The following U2SURP variants were observed in gnomAD, a reference collection of about 807,000 sequenced individuals.
U2SURP encodes the protein U2 snRNP-associated SURP motif-containing protein.
U2SURP carries 9 observed loss-of-function variants against 144.9 expected under a neutral mutation model. That is an observed-to-expected ratio of 0.06 (90% confidence interval 0.04 to 0.11). U2SURP has a LOEUF of 0.11. U2SURP is among the 10% of genes least tolerant of loss of function. The pLI, the probability that U2SURP is intolerant of heterozygous loss-of-function variation, is 1.00. For synonymous variants in U2SURP, 408 were observed against 396.8 expected, an observed-to-expected ratio of 1.03 and a Z score of -0.33; for missense variants, 724 against 1,226.7, an observed-to-expected ratio of 0.59 and a Z score of 6.12.
Position 143,058,356 on chromosome 3 carries a change from A to C in U2SURP, c.*1906A>C, listed in dbSNP as rs1935244535. ...AGACATCCTGCGGGATTGAGTAGAA[A>C]ATTTTAGGTCAGTTTTGGGTGCTTA... On this transcript the variant is annotated 3_prime_UTR_variant, in exon 28 of 28. Transcript: ENST00000473835. 2 of 151,750 alleles carry C rather than the reference A, an allele frequency of 1.3e-5. No individual in the cohort carries two copies. Among genetic ancestry groups the C allele is most frequent in the African/African-American group, 4.8e-5 (2 of 41,368 alleles). 9.4% of individuals were successfully genotyped at this position (151,750 alleles called of 1,614,324 possible). A position where few individuals can be genotyped will look rare whatever the true frequency, so the allele number is the denominator to read the frequency against.
At position 143,036,024 on chromosome 3, in the gene U2SURP, A is replaced by G. The variant is rs1425905440; in HGVS notation, c.1984A>G (p.Ile662Val). ...CTTCAGAGCATGGGAAGATTGGGCA[A>G]TTTATCCAGAACCATTTTTGATCAA... ...TCFRAWEDWA[I>V]YPEPFLIKLQ... Residue 662 changes from isoleucine (I) to valine (V), a missense_variant, in exon 20 of 28, where the codon ATT becomes GTT. Transcript: ENST00000473835. 9 of 1,610,114 alleles carry G rather than the reference A, an allele frequency of 5.6e-6. No individual in the cohort carries two copies. The highest frequency in any genetic ancestry group is 1.3e-5 in the African/African-American group (1 of 74,778).
chr3:143,028,714 C>T, intron 16 of U2SURP, 68 bp downstream of exon 16: 1 of 1,358,192 alleles, frequency 7.4e-7, no homozygotes, highest in South Asian at 1.4e-5. Context: ...AATTAATGGT[C>T]TTATTAAGAT....
rs768736941 is a variant in U2SURP at position 143,035,004 on chromosome 3, C to G, written c.1941+29C>G. The G allele has an allele frequency of 1.0e-5, 11 of 1,077,520 alleles. No homozygotes were observed. In the East Asian group the frequency reaches 2.7e-4, roughly 26 times the overall value. 66.7% of individuals were successfully genotyped at this position (1,077,520 alleles called of 1,614,324 possible). On this transcript the variant is annotated intron_variant, in intron 19 of 27. Transcript: ENST00000473835. Reference sequence around the variant, plus strand: ...CGTTTATTGTTTTACTATTTTTGCCCTAGTGTTTTAAATGGGTGGGGGGAG... The same window carrying G: ...CGTTTATTGTTTTACTATTTTTGCCGTAGTGTTTTAAATGGGTGGGGGGAG...
chr3:143,054,965 C>T lies in U2SURP; in HGVS notation c.2797C>T (p.Pro933Ser), dbSNP rs1391024897. 2.5e-6 allele frequency: 4 copies of T among 1,608,734 alleles called. No homozygotes were observed. The highest frequency in any genetic ancestry group is 3.4e-6 in the Non-Finnish European group (4 of 1,177,916). ...TAGGAAGAGGCGACACAGTACATCC[C>T]CCAGCCCATCTCGCAGTAGCAGTGG... is the stretch of plus-strand genomic sequence containing the variant. ...KERKRRHSTSPSPSRSSSGRR... is the reference protein window; with the variant it reads ...KERKRRHSTSSSPSRSSSGRR... Residue 933 changes from proline (P) to serine (S), a missense_variant, in exon 27 of 28, where the codon CCC becomes TCC. Transcript: ENST00000473835.
chr3:143,053,865 A>G (rs1225259514), intron 26 of U2SURP, 71 bp downstream of exon 26: 7 of 1,240,972 alleles, frequency 5.6e-6, no homozygotes, highest in Non-Finnish European at 7.6e-6. Flanking sequence ...TAATACTTTC[A>G]TCATTGATGC....
At chr3:143,031,288 T>C (rs1933467100) in intron 16 of U2SURP, among the ~76,000 whole-genome samples, 1 of 152,194 alleles carries the variant, frequency 6.6e-6, no homozygotes, top group Admixed American at 6.5e-5. Flanking sequence ...GGCAAGACAT[T>C]CTCCTCTGGG....
In U2SURP at chr3:143,016,384, A is replaced by G; in HGVS notation, c.436+13A>G. The G allele has an allele frequency of 6.2e-7, 1 of 1,603,712 alleles. No homozygotes were observed. The highest frequency in any genetic ancestry group is 1.1e-5 in the South Asian group (1 of 90,712). Reference sequence around the variant, plus strand: ...AATGCAGCTAAAGGTAAGTTTATAAAGTATAACTGCTAATAAAGCATAACT... The same window carrying G: ...AATGCAGCTAAAGGTAAGTTTATAAGGTATAACTGCTAATAAAGCATAACT... On this transcript the variant is annotated intron_variant, in intron 5 of 27. Transcript: ENST00000473835.
At position 143,057,067 on chromosome 3, in the gene U2SURP, CT is replaced by C. The variant is rs1187927264; in HGVS notation, c.*618del. On this transcript the variant is annotated 3_prime_UTR_variant, in exon 28 of 28. Coordinates refer to ENST00000473835, the MANE Select transcript of U2SURP (RefSeq NM_001080415.2). ...TTTGATAAGTTTCTCTTGGGTAATACTAATACCCAGATATCAAAGACTAGGT... is the reference window on the plus strand; with the variant it reads ...TTTGATAAGTTTCTCTTGGGTAATACAATACCCAGATATCAAAGACTAGGT... 3 of 152,418 alleles carry C rather than the reference CT, an allele frequency of 2.0e-5. No individual in the cohort carries two copies. In the East Asian group the frequency reaches 5.8e-4, roughly 29 times the overall value. 9.4% of individuals were successfully genotyped at this position (152,418 alleles called of 1,614,324 possible). A position where few individuals can be genotyped will look rare whatever the true frequency, so the allele number is the denominator to read the frequency against.
At chr3:143,028,812 A>G (rs1292826730) in intron 16 of U2SURP, among the ~76,000 whole-genome samples, 166 bp downstream of exon 16, 2 of 152,196 alleles carry the variant, frequency 1.3e-5, no homozygotes, top group African/African-American at 2.4e-5. Context: ...AAACATCCTA[A>G]CAAGTATAGG....
intron 14 of U2SURP, 52 bp from the exon 15 acceptor site, chr3:143,028,288 G>A: frequency 6.6e-7 from 1 of 1,514,694 alleles, no homozygotes; most frequent in Non-Finnish European, 9.0e-7. Flanking sequence ...TTTAATTGAA[G>A]ATAGCTCTTT....
At chr3:143,033,024 GCA>G in intron 17 of U2SURP, 78 bp downstream of exon 17, 1 of 1,470,862 alleles carries the variant, frequency 6.8e-7, no homozygotes, top group African/African-American at 1.4e-5. Flanking sequence ...TTTGCACAAA[GCA>G]CTTGACTGAT....
At chr3:143,031,502 C>A (rs1299175428) in intron 16 of U2SURP, among the ~76,000 whole-genome samples, 1 of 97,288 alleles carries the variant, frequency 1.0e-5, no homozygotes, top group Non-Finnish European at 2.1e-5. Flanking sequence ...TGAGGCAAAA[C>A]CTTCCACCAG....
In U2SURP at chr3:143,019,921, T is replaced by C. The variant is rs1039625168; in HGVS notation, c.571-48T>C. The C allele has an allele frequency of 9.2e-6, 10 of 1,084,164 alleles. No individual in the cohort carries two copies. In the African/African-American group the frequency reaches 9.8e-5, roughly 11 times the overall value. The allele number at this position is 1,084,164 out of a possible 1,614,324, so 67.2% of individuals were successfully genotyped here. On this transcript the variant is annotated intron_variant, in intron 6 of 27. Transcript: ENST00000473835. ...AAGGCTCTTATTATTGAATCATTGG[T>C]TTTGCTTATCCTTTTGTTTGAAGTA... is the stretch of plus-strand genomic sequence containing the variant.
intron 3 of U2SURP, 151 bp downstream of exon 3, chr3:143,012,504 A>T: frequency 1.5e-6 from 1 of 663,778 alleles, no homozygotes; most frequent in Non-Finnish European, 2.2e-6. Context: ...TTGGGATAAC[A>T]GTAAACTCAT....
At chr3:143,023,235 A>G in intron 12 of U2SURP, 171 bp downstream of exon 12, 1 of 548,038 alleles carries the variant, frequency 1.8e-6, no homozygotes, top group Non-Finnish European at 3.1e-6. Flanking sequence ...CTATATTTGA[A>G]ATACTAGGTC....
chr3:143,037,969 C>A (rs1933901763), intron 21 of U2SURP, 139 bp from the exon 22 acceptor site: 1 of 520,746 alleles, frequency 1.9e-6, no homozygotes, highest in Non-Finnish European at 3.3e-6. Flanking sequence ...TAGTCATAGT[C>A]CTTGTTCTTA....
At chr3:143,048,095 C>T (rs1284781759) in intron 24 of U2SURP, among the ~76,000 whole-genome samples, 1 of 152,212 alleles carries the variant, frequency 6.6e-6, no homozygotes, top group Non-Finnish European at 1.5e-5. Context: ...CTGTCCTGGT[C>T]CCTGAGGAAA....
chr3:143,043,715 ATG>A (rs913806008), intron 24 of U2SURP, among the ~76,000 whole-genome samples: 912 of 71,494 alleles, frequency 0.013, 7 homozygotes, highest in African/African-American at 0.077. Context: ...TATAGATTAT[ATG>A]TATATATATA....
chr3:143,043,717 G>A (rs529930888), intron 24 of U2SURP, among the ~76,000 whole-genome samples: 21 of 147,372 alleles, frequency 1.4e-4, no homozygotes, highest in African/African-American at 4.5e-4. Context: ...TAGATTATAT[G>A]TATATATATA....
Sources: allele counts gnomAD v4.1 joint callset (sites outside exome capture counted in the v4.1 genomes callset), GRCh38; gene constraint gnomAD v4.1.1; transcripts MANE v1.5; gene names NCBI Gene and HGNC (gene_info 2026-07-23, HGNC 2026-07-21).